PNKD: variants seen among roughly 807,000 people sequenced by gnomAD.
The protein encoded by PNKD is probable thioesterase PNKD.
Under a neutral mutation model 45.3 loss-of-function variants are expected in PNKD, and 36 were observed. The observed-to-expected ratio is 0.80, with a 90% CI of 0.61 to 1.05. The LOEUF is 1.05. PNKD is among the 50% of genes least tolerant of loss of function. The pLI is 0.00. For synonymous variants in PNKD, 197 were observed against 210.1 expected (o/e 0.94, Z 0.54); for missense variants, 511 against 506.6 (o/e 1.01, Z -0.08).
chr2:218,311,384 A>G (rs1398800008), intron 2 of PNKD, among the ~76,000 whole-genome samples: 1 of 152,234 alleles, frequency 6.6e-6, no homozygotes, highest in African/African-American at 2.4e-5. Context: ...CAGCATACAG[A>G]GGACCCGCAC....
chr2:218,341,677 C>T (rs576069884), intron 6 of PNKD, 51 bp downstream of exon 6: 1 of 1,311,438 alleles, frequency 7.6e-7, no homozygotes, highest in East Asian at 2.5e-5. Flanking sequence ...CCCTTTCCCC[C>T]ACCCCCAGCC....
rs369049211 is a variant in PNKD at position 218,280,175 on chromosome 2, G to A, written c.236+8626G>A. ...CAGCTGGGGACCTGAGACATGTGGC[G>A]TCAATCCCAAAGCCTCCCTGACAAT... is the stretch of plus-strand genomic sequence containing the variant. On this transcript the variant is annotated intron_variant, in intron 2 of 9. Transcript: ENST00000273077. The A allele has an allele frequency of 4.1e-5, 56 of 1,367,878 alleles. 1 individual carries two copies. Among genetic ancestry groups the A allele is most frequent in the Middle Eastern group, 3.6e-4 (2 of 5,630 alleles). The allele number at this position is 1,367,878 out of a possible 1,614,324, so 84.7% of individuals were successfully genotyped here. A position where few individuals can be genotyped will look rare whatever the true frequency, so the allele number is the denominator to read the frequency against.
At chr2:218,311,258 G>A (rs1184016134) in intron 2 of PNKD, among the ~76,000 whole-genome samples, 2 of 152,298 alleles carry the variant, frequency 1.3e-5, no homozygotes, top group Non-Finnish European at 2.9e-5. Flanking sequence ...ATTGAAGGGG[G>A]CCAGCCCCTA....
intron 1 of PNKD, 194 bp from the exon 2 acceptor site, chr2:218,271,187 G>T: frequency 1.6e-6 from 1 of 636,576 alleles, no homozygotes. Flanking sequence ...ACGTGGAAGT[G>T]GCTTCCAAAG....
At chr2:218,294,178 G>A in intron 2 of PNKD, among the ~76,000 whole-genome samples, 1 of 152,124 alleles carries the variant, frequency 6.6e-6, no homozygotes, top group East Asian at 1.9e-4. Flanking sequence ...TCTGCTCAGT[G>A]TCTGTCTCCC....
In PNKD at chr2:218,273,279, T is replaced by C. The variant is rs189999395; in HGVS notation, c.236+1730T>C. Among the ~76,000 whole-genome samples, 514 of 152,270 alleles carry C rather than the reference T, an allele frequency of 3.4e-3. 2 individuals carry two copies. The highest frequency in any genetic ancestry group is 5.9e-3 in the Non-Finnish European group (403 of 68,010). ...TCCTCATTTGTTTTGTTTTTTGTTT[T>C]TTGTTTTTTGAGACGGAGTCTCGCT... On this transcript the variant is annotated intron_variant, in intron 2 of 9. Transcript: ENST00000273077.
At chr2:218,313,029 C>T (rs900007949) in intron 2 of PNKD, among the ~76,000 whole-genome samples, 3 of 151,782 alleles carry the variant, frequency 2.0e-5, no homozygotes, top group African/African-American at 7.3e-5. Flanking sequence ...CTAGCTTCCC[C>T]AAATATTAAC....
rs144856848 is a variant in PNKD at position 218,339,867 on chromosome 2, C to T, written c.321C>T (p.Gly107=). 134 of 1,606,990 alleles carry T rather than the reference C, an allele frequency of 8.3e-5. No homozygotes were observed. In the African/African-American group the frequency reaches 1.6e-3, roughly 19 times the overall value. ...LRRARNRYPK[G]HSKTQPRLFN... ...GGGCTCGGAATCGCTACCCTAAAGGCCACTCGAAAACCCAGCCCCGCCTCT... is the reference window on the plus strand; with the variant it reads ...GGGCTCGGAATCGCTACCCTAAAGGTCACTCGAAAACCCAGCCCCGCCTCT... The change falls in exon 3 of 10, where the codon GGC becomes GGT. Residue 107 remains glycine, a synonymous_variant. Coordinates refer to ENST00000273077, the MANE Select transcript of PNKD (RefSeq NM_015488.5).
intron 2 of PNKD, chr2:218,282,158 AG>A (rs1278283078): frequency 3.4e-6 from 5 of 1,466,290 alleles, no homozygotes; most frequent in Non-Finnish European, 4.5e-6. Context: ...TCACGGGCTG[AG>A]GGGGAACCCC....
intron 2 of PNKD, among the ~76,000 whole-genome samples, chr2:218,273,731 A>AT (rs899237036): frequency 3.3e-5 from 5 of 149,704 alleles, no homozygotes; most frequent in Admixed American, 6.7e-5. Context: ...ACCTCAGGTG[A>AT]TTCCCCCCCA....
At chr2:218,316,268 CTTT>C (rs397972881) in intron 2 of PNKD, among the ~76,000 whole-genome samples, 172 of 119,576 alleles carry the variant, frequency 1.4e-3, no homozygotes, top group Middle Eastern at 4.4e-3. Flanking sequence ...TTCTTTCTTT[CTTT>C]TTTTTTTTTT....
intron 2 of PNKD, among the ~76,000 whole-genome samples, chr2:218,309,105 TC>T (rs1693515667): frequency 6.6e-6 from 1 of 151,072 alleles, no homozygotes; most frequent in Non-Finnish European, 1.5e-5. Context: ...AAATAAGAGA[TC>T]CTCCCACCAC....
intron 2 of PNKD, among the ~76,000 whole-genome samples, chr2:218,292,134 C>A (rs1352676943): frequency 6.6e-6 from 1 of 152,202 alleles, no homozygotes; most frequent in East Asian, 1.9e-4. Context: ...ATAGGCCCTG[C>A]GACAGAGAGG....
chr2:218,298,789 C>T (rs1205847007), intron 2 of PNKD, among the ~76,000 whole-genome samples: 1 of 152,210 alleles, frequency 6.6e-6, no homozygotes, highest in Non-Finnish European at 1.5e-5. Flanking sequence ...TTTCAAGCCC[C>T]TCTCCTCGTC....
chr2:218,270,883 G>C (rs2106176916), intron 1 of PNKD: 1 of 390,604 alleles, frequency 2.6e-6, no homozygotes, highest in East Asian at 3.9e-5. Flanking sequence ...CAGTGCAGAG[G>C]AAAGAGCCCC....
chr2:218,291,853 G>A (rs1190205133), intron 2 of PNKD, among the ~76,000 whole-genome samples: 1 of 152,190 alleles, frequency 6.6e-6, no homozygotes, highest in Non-Finnish European at 1.5e-5. Flanking sequence ...ACTGGCAGAG[G>A]GCAAAGTCAT....
intron 2 of PNKD, among the ~76,000 whole-genome samples, chr2:218,293,203 A>G (rs1341308685): frequency 1.3e-5 from 2 of 152,264 alleles, no homozygotes; most frequent in African/African-American, 4.8e-5. Flanking sequence ...TGAGATGTAG[A>G]TTACTACTGT....
chr2:218,281,930 C>A, intron 2 of PNKD: 1 of 1,583,700 alleles, frequency 6.3e-7, no homozygotes, highest in East Asian at 2.3e-5. Context: ...TCTGCCCTTC[C>A]AGGACTCACC....
chr2:218,281,661 T>C (rs902222292), intron 2 of PNKD, among the ~76,000 whole-genome samples: 1 of 151,824 alleles, frequency 6.6e-6, no homozygotes, highest in African/African-American at 2.4e-5. Context: ...CCCTCAGGAG[T>C]CATTACTTGG....
Sources: gnomAD v4.1 joint callset for allele counts (sites outside exome capture counted in the v4.1 genomes callset) on GRCh38, gnomAD v4.1.1 for gene constraint, MANE v1.5 for transcripts, NCBI Gene and HGNC (gene_info 2026-07-23, HGNC 2026-07-21) for gene names.